SVIL: variants seen among roughly 807,000 people sequenced by gnomAD.
The protein encoded by SVIL is supervillin.
SVIL carries 101 observed loss-of-function variants against 240.4 expected under a neutral mutation model. That is an observed-to-expected ratio of 0.42 (90% CI 0.36 to 0.50). The LOEUF (loss-of-function observed/expected upper bound fraction) is 0.50, where lower values mean the gene tolerates loss of function less well. Among genes scored for constraint, SVIL ranks in the 20% least tolerant of loss-of-function variants. The pLI is 0.01. For synonymous variants in SVIL, 999 were observed against 1,100.0 expected, an observed-to-expected ratio of 0.91 and a Z score of 1.82; for missense variants, 2,512 against 2,818.7, an observed-to-expected ratio of 0.89 and a Z score of 2.46.
At chr10:29,727,323 G>T (rs1333090839) in intron 1 of SVIL, among the ~76,000 whole-genome samples, 1 of 152,058 alleles carries the variant, frequency 6.6e-6, no homozygotes, top group Non-Finnish European at 1.5e-5. Context: ...GAGTATAGTG[G>T]TGTGATCATA....
At chr10:29,726,558 C>G (rs1316250487) in intron 1 of SVIL, among the ~76,000 whole-genome samples, 2 of 151,886 alleles carry the variant, frequency 1.3e-5, no homozygotes, top group Non-Finnish European at 2.9e-5. Flanking sequence ...ACCAGACTGG[C>G]CAACATGATG....
intron 2 of SVIL, among the ~76,000 whole-genome samples, chr10:29,686,100 C>G (rs566553922): frequency 6.6e-6 from 1 of 152,224 alleles, no homozygotes; most frequent in African/African-American, 2.4e-5. Flanking sequence ...AACTATAAAT[C>G]CAATCATTAG....
chr10:29,618,830 G>A lies in SVIL; in HGVS notation c.-201+15590C>T, dbSNP rs1459959008. Among the ~76,000 whole-genome samples, 8 of 151,672 alleles carry A rather than the reference G, an allele frequency of 5.3e-5. No individual in the cohort carries two copies. The East Asian group carries it at 7.8e-4, about 15-fold the overall frequency. On this transcript the variant is annotated intron_variant, in intron 1 of 37. Transcript: ENST00000355867. ...AAACTCCTGGACTCAGGGAATTCCC[G>A]CCCCCTCAGCCTCCTGAGTAGCTGG...
At chr10:29,606,837 C>T (rs143591673) in intron 1 of SVIL, among the ~76,000 whole-genome samples, 133 of 152,256 alleles carry the variant, frequency 8.7e-4, no homozygotes, top group African/African-American at 3.0e-3. Flanking sequence ...TCATGGCAAC[C>T]TCTGCCTCCT....
chr10:29,510,406 T>C (rs7909079), intron 17 of SVIL, among the ~76,000 whole-genome samples: 41,741 of 150,296 alleles, frequency 0.28, 6,083 homozygotes, highest in Non-Finnish European at 0.33. Flanking sequence ...TGCTGACTTC[T>C]ATGTTGCACG....
chr10:29,474,796 C>A (rs1232418259), intron 29 of SVIL, among the ~76,000 whole-genome samples: 3 of 152,040 alleles, frequency 2.0e-5, no homozygotes, highest in African/African-American at 7.2e-5. Context: ...GGAAAAAATG[C>A]AGGCTGTTAA....
intron 3 of SVIL, among the ~76,000 whole-genome samples, chr10:29,656,213 C>A (rs374359074): frequency 1.3e-5 from 2 of 151,090 alleles, no homozygotes; most frequent in East Asian, 1.9e-4. Flanking sequence ...AAGAGGCATT[C>A]GATTTTGTCA....
At chr10:29,659,060 T>C (rs567765772) in intron 2 of SVIL, among the ~76,000 whole-genome samples, 1 of 152,358 alleles carries the variant, frequency 6.6e-6, no homozygotes. Context: ...TGCTAGAATG[T>C]ACCAGAGTAG....
intron 3 of SVIL, among the ~76,000 whole-genome samples, chr10:29,562,936 T>C (rs1022588695): frequency 6.6e-6 from 1 of 152,060 alleles, no homozygotes; most frequent in African/African-American, 2.4e-5. Context: ...TTATGTTCCC[T>C]GTCTCACCCG....
intron 2 of SVIL, among the ~76,000 whole-genome samples, chr10:29,566,058 T>C (rs1196104741): frequency 6.6e-6 from 1 of 152,192 alleles, no homozygotes. Context: ...GGTAACATCA[T>C]TACAAACATT....
At chr10:29,556,867 A>G (rs1953980268) in intron 3 of SVIL, among the ~76,000 whole-genome samples, 1 of 152,148 alleles carries the variant, frequency 6.6e-6, no homozygotes, top group Admixed American at 6.5e-5. Context: ...GATGACAAAA[A>G]CCAAAGGGTT....
intron 18 of SVIL, 118 bp from the exon 19 acceptor site, chr10:29,495,299 A>G: frequency 1.7e-6 from 1 of 591,062 alleles, no homozygotes; most frequent in Non-Finnish European, 3.0e-6. Flanking sequence ...GAATTTACAC[A>G]CATGCAGGCA....
At chr10:29,621,487 A>C (rs1957639299) in intron 1 of SVIL, among the ~76,000 whole-genome samples, 1 of 152,276 alleles carries the variant, frequency 6.6e-6, no homozygotes, top group African/African-American at 2.4e-5. Context: ...GCCAAGCCCA[A>C]GGTGCAGAGG....
chr10:29,548,770 C>T (rs1952931013), intron 6 of SVIL, among the ~76,000 whole-genome samples: 1 of 152,160 alleles, frequency 6.6e-6, no homozygotes, highest in African/African-American at 2.4e-5. Context: ...ATTCTAATCA[C>T]AGCAACAAAA....
At chr10:29,476,676 G>C (rs1290759205) in intron 29 of SVIL, among the ~76,000 whole-genome samples, 3 of 152,180 alleles carry the variant, frequency 2.0e-5, no homozygotes, top group African/African-American at 7.2e-5. Flanking sequence ...AAACTCTGGG[G>C]TTACAAGTGT....
intron 6 of SVIL, among the ~76,000 whole-genome samples, chr10:29,543,981 A>G (rs1238009836): frequency 2.6e-5 from 4 of 152,158 alleles, no homozygotes; most frequent in Admixed American, 6.6e-5. Flanking sequence ...CTGGCAGAGA[A>G]TTGTATTACC....
At chr10:29,646,206 C>T (rs1247460) in intron 3 of SVIL, among the ~76,000 whole-genome samples, 56,877 of 152,064 alleles carry the variant, frequency 0.37, 11,124 homozygotes, top group South Asian at 0.53. Context: ...TTATCCCTCA[C>T]AGACACCCCC....
intron 1 of SVIL, among the ~76,000 whole-genome samples, chr10:29,733,644 G>A (rs1452415523): frequency 6.6e-6 from 1 of 152,142 alleles, no homozygotes; most frequent in Non-Finnish European, 1.5e-5. Context: ...AAGCTCAGAG[G>A]CTAGGCAAAT....
rs577977270 is a variant in SVIL, at chr10:29,604,704, A to G, written c.-201+29716T>C. On this transcript the variant is annotated intron_variant, in intron 1 of 37. Coordinates refer to ENST00000355867, the MANE Select transcript of SVIL (RefSeq NM_021738.3). The stretch of plus-strand genomic sequence containing the variant: ...CTTGACATCTGAAGTAGCTAGGTCT[A>G]CAGGTGCATGTCACTATGCCCAGCT... Among the ~76,000 whole-genome samples, 12 of 152,000 alleles carry G rather than the reference A, an allele frequency of 7.9e-5. No homozygotes were observed. The South Asian group carries it at 2.1e-3, about 26-fold the overall frequency.
Sources: gnomAD v4.1 joint callset for allele counts (sites outside exome capture counted in the v4.1 genomes callset) on GRCh38, gnomAD v4.1.1 for gene constraint, MANE v1.5 for transcripts, NCBI Gene and HGNC (gene_info 2026-07-23, HGNC 2026-07-21) for gene names.